The following CALCR variants were observed in gnomAD, a reference collection of about 807,000 sequenced individuals.
CALCR encodes calcitonin receptor.
CALCR carries 47 observed loss-of-function variants against 59.5 expected under a neutral mutation model. The ratio of observed to expected loss-of-function variants is 0.79; its 90% CI spans 0.63 to 1.01. The LOEUF (loss-of-function observed/expected upper bound fraction) is 1.01. Ranked by LOEUF, CALCR falls within the 50% of genes least tolerant of loss-of-function variation. The pLI is 0.00. For missense variants in CALCR, 566 were observed against 597.1 expected, an observed-to-expected ratio of 0.95 and a Z score of 0.54; for synonymous variants, 213 against 211.3, an observed-to-expected ratio of 1.01 and a Z score of -0.07.
At chr7:93,502,741 G>A (rs952494653) in intron 2 of CALCR, among the ~76,000 whole-genome samples, 2 of 151,906 alleles carry the variant, frequency 1.3e-5, no homozygotes, top group Admixed American at 6.6e-5. Context: ...TTGGCACACC[G>A]ATACTAATGG....
intron 8 of CALCR, among the ~76,000 whole-genome samples, chr7:93,449,311 A>G (rs1433380325): frequency 6.6e-6 from 1 of 152,032 alleles, no homozygotes; most frequent in Admixed American, 6.6e-5. Context: ...CAATTTCTAA[A>G]TATTTTACCT....
chr7:93,530,400 T>C (rs1788801290), intron 2 of CALCR, among the ~76,000 whole-genome samples: 1 of 152,194 alleles, frequency 6.6e-6, no homozygotes, highest in South Asian at 2.1e-4. Flanking sequence ...ATTGATTATG[T>C]GACTATTTCC....
intron 2 of CALCR, among the ~76,000 whole-genome samples, chr7:93,508,036 A>G (rs1801464690): frequency 6.6e-6 from 1 of 152,198 alleles, no homozygotes; most frequent in African/African-American, 2.4e-5. Context: ...GAAACCTAGA[A>G]TTTCTGATTA....
At chr7:93,429,151 T>C (rs959104725) in intron 13 of CALCR, among the ~76,000 whole-genome samples, 1 of 152,232 alleles carries the variant, frequency 6.6e-6, no homozygotes, top group African/African-American at 2.4e-5. Context: ...GATGGCAATG[T>C]GCTTTGATTT....
At chr7:93,430,999 G>A (rs1799647741) in intron 13 of CALCR, among the ~76,000 whole-genome samples, 1 of 152,184 alleles carries the variant, frequency 6.6e-6, no homozygotes, top group Non-Finnish European at 1.5e-5. Context: ...CTTTGCATAT[G>A]TTGTGAAAAT....
chr7:93,570,604 A>G (rs1240364208), intron 2 of CALCR, among the ~76,000 whole-genome samples: 1 of 152,204 alleles, frequency 6.6e-6, no homozygotes, highest in African/African-American at 2.4e-5. Context: ...ATACCAATTT[A>G]TATGCTATTT....
At chr7:93,474,158 A>G (rs997632198) in intron 5 of CALCR, among the ~76,000 whole-genome samples, 16 of 151,786 alleles carry the variant, frequency 1.1e-4, no homozygotes, top group Non-Finnish European at 1.8e-4. Context: ...AACTGAGTAT[A>G]TATCTGAGAT....
intron 11 of CALCR, among the ~76,000 whole-genome samples, chr7:93,436,474 T>C (rs1159208073): frequency 1.3e-5 from 2 of 152,170 alleles, no homozygotes; most frequent in African/African-American, 4.8e-5. Context: ...AGGGGTGTAG[T>C]ATTACCTCAT....
intron 2 of CALCR, among the ~76,000 whole-genome samples, chr7:93,541,846 C>T (rs1399653545): frequency 6.6e-6 from 1 of 152,192 alleles, no homozygotes; most frequent in Non-Finnish European, 1.5e-5. Context: ...ATAATCCCTA[C>T]AGTCTGCTAT....
intron 3 of CALCR, among the ~76,000 whole-genome samples, chr7:93,482,427 T>C (rs766357611): frequency 6.6e-6 from 1 of 151,882 alleles, no homozygotes; most frequent in Admixed American, 6.6e-5. Context: ...AATTAGAAGA[T>C]GGAACATGAT....
chr7:93,426,398 C>G lies in CALCR; in HGVS notation c.1383G>C (p.Glu461Asp), dbSNP rs756227729. ...PANNQGEESA[E>D]IIPLNIIEQE... ...GCTCTATGATATTCAAAGGGATGAT[C>G]TCAGCACTCTCCTCGCCTTGGTTGT... The change falls in exon 14 of 14, where the codon GAG (glutamate) becomes GAC (aspartate). Residue 461 changes from glutamate (E) to aspartate (D), a missense_variant. Physicochemically the swap from Glu to Asp is conservative, Grantham distance 45. Transcript: ENST00000426151. The G allele has an allele frequency of 2.8e-5, 45 of 1,613,248 alleles. 1 individual carries two copies. Among genetic ancestry groups the G allele is most frequent in the Admixed American group, 5.0e-5 (3 of 59,996 alleles).
chr7:93,462,152 A>T (rs1470333484), intron 7 of CALCR: 5 of 1,125,826 alleles, frequency 4.4e-6, no homozygotes, highest in Non-Finnish European at 6.3e-6. Context: ...CAGCTGTTAG[A>T]GCATATTTTA....
At chr7:93,561,609 C>T (rs1345846875) in intron 2 of CALCR, among the ~76,000 whole-genome samples, 2 of 151,990 alleles carry the variant, frequency 1.3e-5, no homozygotes, top group African/African-American at 4.8e-5. Flanking sequence ...ATTTTTGATC[C>T]AGAAGGGAAA....
At position 93,497,337 on chromosome 7, in the gene CALCR, C is replaced by T. The variant is rs182862741; in HGVS notation, c.-26-10330G>A. 1.4e-4 allele frequency among the ~76,000 whole-genome samples: 21 copies of T among 151,720 alleles called. No individual in the cohort carries two copies. The East Asian group carries it at 2.9e-3, about 21-fold the overall frequency. ...TCTTATAAACTTAACCACTTTGTAG[C>T]TTGCATTATGTGTATACATCATCTA... On this transcript the variant is annotated intron_variant, in intron 2 of 13. Transcript: ENST00000426151.
At chr7:93,519,227 T>C (rs1053820623) in intron 2 of CALCR, among the ~76,000 whole-genome samples, 5 of 152,098 alleles carry the variant, frequency 3.3e-5, no homozygotes, top group African/African-American at 9.7e-5. Context: ...GTTTGTCATA[T>C]ATCTAGAATT....
chr7:93,489,327 C>T (rs1360045604), intron 2 of CALCR, among the ~76,000 whole-genome samples: 1 of 151,338 alleles, frequency 6.6e-6, no homozygotes, highest in East Asian at 1.9e-4. Flanking sequence ...GATCTCAAAT[C>T]GACACCCTAA....
At chr7:93,552,989 T>A (rs995657456) in intron 2 of CALCR, among the ~76,000 whole-genome samples, 1 of 152,180 alleles carries the variant, frequency 6.6e-6, no homozygotes, top group South Asian at 2.1e-4. Context: ...TCTATGGCAA[T>A]GGTAAAACAA....
chr7:93,438,650 C>T (rs1364628605), intron 9 of CALCR, among the ~76,000 whole-genome samples: 4 of 152,138 alleles, frequency 2.6e-5, no homozygotes, highest in Non-Finnish European at 5.9e-5. Context: ...TGGGTCACCC[C>T]GGAGGGATGT....
chr7:93,568,688 C>T (rs1789928489), intron 2 of CALCR, among the ~76,000 whole-genome samples: 1 of 151,486 alleles, frequency 6.6e-6, no homozygotes, highest in African/African-American at 2.4e-5. Flanking sequence ...TTAATTTTTT[C>T]CTCTATGTTT....
Sources: allele counts gnomAD v4.1 joint callset (sites outside exome capture counted in the v4.1 genomes callset), GRCh38; gene constraint gnomAD v4.1.1; transcripts MANE v1.5; gene names NCBI Gene and HGNC (gene_info 2026-07-23, HGNC 2026-07-21).